TSPAN7: variants seen among roughly 807,000 people sequenced by gnomAD.
The protein encoded by TSPAN7 is tetraspanin 7.
Under a neutral mutation model 17.6 loss-of-function variants are expected in TSPAN7, and 1 was observed. The ratio of observed to expected loss-of-function variants is 0.06; its 90% CI spans 0.02 to 0.27. The LOEUF (loss-of-function observed/expected upper bound fraction) is 0.27. Among genes scored for constraint, TSPAN7 ranks in the 10% least tolerant of loss-of-function variants. The pLI is 1.00. For synonymous variants in TSPAN7, 78 were observed against 79.0 expected (o/e 0.99, Z 0.07); for missense variants, 112 against 201.7 (o/e 0.56, Z 2.69).
At chrX:38,587,304 G>GT (rs745309566) in intron 1 of TSPAN7, among the ~76,000 whole-genome samples, 1 of 112,062 alleles carries the variant, frequency 8.9e-6, no homozygotes, top group East Asian at 2.8e-4. Flanking sequence ...TGAATTATCA[G>GT]TTCACATTTA....
intron 1 of TSPAN7, among the ~76,000 whole-genome samples, chrX:38,609,286 GTC>G (rs1450397587): frequency 8.1e-5 from 9 of 111,801 alleles, no homozygotes; most frequent in African/African-American, 2.9e-4. Flanking sequence ...ATTTGGAGCT[GTC>G]TCTCTTCACA....
At chrX:38,683,890 C>T (rs987956005) in intron 6 of TSPAN7, among the ~76,000 whole-genome samples, 17 of 113,060 alleles carry the variant, frequency 1.5e-4, no homozygotes, top group African/African-American at 5.5e-4. Context: ...TAAAATTTAG[C>T]AAATGTTGGC....
At chrX:38,582,514 T>C (rs758250462) in intron 1 of TSPAN7, among the ~76,000 whole-genome samples, 37 of 112,152 alleles carry the variant, frequency 3.3e-4, no homozygotes, top group Admixed American at 1.0e-3. Context: ...TGTTCATTTG[T>C]AACCATGTCA....
chrX:38,627,173 G>A (rs56673674), intron 1 of TSPAN7, among the ~76,000 whole-genome samples: 9,996 of 111,386 alleles, frequency 0.09, 394 homozygotes, highest in East Asian at 0.24. Flanking sequence ...TGCAGAATTG[G>A]GGCATTTTTT....
At chrX:38,588,791 G>A (rs756177443) in intron 1 of TSPAN7, among the ~76,000 whole-genome samples, 2 of 111,684 alleles carry the variant, frequency 1.8e-5, no homozygotes, top group South Asian at 7.5e-4. Flanking sequence ...CTATTTTTAT[G>A]TACTGGCAGT....
intron 1 of TSPAN7, among the ~76,000 whole-genome samples, chrX:38,583,826 A>T (rs1373055692): frequency 9.0e-6 from 1 of 111,093 alleles, no homozygotes; most frequent in Non-Finnish European, 1.9e-5. Flanking sequence ...CTTAGAAGTC[A>T]GTTTATGGTT....
chrX:38,660,723 G>A (rs1452714806), intron 1 of TSPAN7, among the ~76,000 whole-genome samples: 1 of 111,967 alleles, frequency 8.9e-6, no homozygotes, highest in Non-Finnish European at 1.9e-5. Context: ...TCGCCTGTGT[G>A]TTTCTTTTTG....
intron 1 of TSPAN7, among the ~76,000 whole-genome samples, chrX:38,643,832 G>A (rs1473034518): frequency 8.1e-5 from 9 of 111,450 alleles, no homozygotes; most frequent in African/African-American, 2.3e-4. Context: ...GCGACAGAGC[G>A]AGACTCCGTC....
At chrX:38,672,252 A>T (rs1434565490) in intron 3 of TSPAN7, among the ~76,000 whole-genome samples, 1 of 110,969 alleles carries the variant, frequency 9.0e-6, no homozygotes, top group African/African-American at 3.3e-5. Flanking sequence ...ACAGGTGGAA[A>T]ACAGAGAGTG....
intron 1 of TSPAN7, among the ~76,000 whole-genome samples, chrX:38,590,889 A>G (rs1274859997): frequency 9.0e-6 from 1 of 111,681 alleles, no homozygotes; most frequent in Non-Finnish European, 1.9e-5. Context: ...TACCTTTCTC[A>G]GTACTTACAT....
intron 1 of TSPAN7, among the ~76,000 whole-genome samples, chrX:38,596,228 G>A (rs112573746): frequency 0.045 from 4,972 of 111,444 alleles, 236 homozygotes; most frequent in African/African-American, 0.14. Context: ...TTGCCTGCAA[G>A]TGAAGCATTC....
intron 1 of TSPAN7, among the ~76,000 whole-genome samples, chrX:38,587,079 A>G (rs1188860431): frequency 8.9e-6 from 1 of 112,438 alleles, no homozygotes; most frequent in Non-Finnish European, 1.9e-5. Context: ...GGATGTCACA[A>G]CTGAAGAGGA....
At chrX:38,583,949 C>CTTTTTTTTTTTT (rs34777484) in intron 1 of TSPAN7, among the ~76,000 whole-genome samples, 9 of 66,971 alleles carry the variant, frequency 1.3e-4, no homozygotes, top group African/African-American at 1.8e-4. Flanking sequence ...TTTTTCTTTT[C>CTTTTTTTTTTTT]TTTTTTTTTT....
At chrX:38,672,640 C>T (rs746024316) in intron 3 of TSPAN7, among the ~76,000 whole-genome samples, 37 of 111,365 alleles carry the variant, frequency 3.3e-4, no homozygotes, top group Non-Finnish European at 5.7e-4. Flanking sequence ...CTGGCTTGTT[C>T]CTACCTGAGC....
intron 1 of TSPAN7, among the ~76,000 whole-genome samples, chrX:38,615,980 G>C (rs1469340027): frequency 9.0e-6 from 1 of 111,688 alleles, no homozygotes; most frequent in African/African-American, 3.3e-5. Context: ...TCTCTACCTT[G>C]CATTCTTGGA....
chrX:38,656,358 A>G, intron 1 of TSPAN7, among the ~76,000 whole-genome samples: 1 of 111,899 alleles, frequency 8.9e-6, no homozygotes, highest in Non-Finnish European at 1.9e-5. Context: ...TTTAAAAAGT[A>G]TCTTATTAGT....
At chrX:38,598,466 A>G (rs111364566) in intron 1 of TSPAN7, among the ~76,000 whole-genome samples, 1 of 110,724 alleles carries the variant, frequency 9.0e-6, no homozygotes, top group Admixed American at 9.6e-5. Flanking sequence ...TTCTTCTTCT[A>G]CCAGGAAGTT....
chrX:38,566,913 G>T (rs2069146350), intron 1 of TSPAN7, among the ~76,000 whole-genome samples: 1 of 111,645 alleles, frequency 9.0e-6, no homozygotes, highest in Admixed American at 9.5e-5. Context: ...AATCCACCAT[G>T]TGTGAAGAGA....
intron 1 of TSPAN7, among the ~76,000 whole-genome samples, chrX:38,573,302 G>A (rs1411688764): frequency 2.7e-5 from 3 of 111,348 alleles, no homozygotes; most frequent in Non-Finnish European, 5.7e-5. Flanking sequence ...GTTTGAACAG[G>A]AACCAAAAAT....
Sources: allele counts gnomAD v4.1 joint callset (sites outside exome capture counted in the v4.1 genomes callset), GRCh38; gene constraint gnomAD v4.1.1; transcripts MANE v1.5; gene names NCBI Gene and HGNC (gene_info 2026-07-23, HGNC 2026-07-21).